EHBP1: variants seen among roughly 807,000 people sequenced by gnomAD.
The protein encoded by EHBP1 is EH domain binding protein 1, also known as EH domain-binding protein 1.
In EHBP1, 55 loss-of-function variants were observed where a neutral mutation model predicts 144.0. That is an observed-to-expected ratio of 0.38 (90% confidence interval 0.31 to 0.48). The LOEUF (loss-of-function observed/expected upper bound fraction) is 0.48, where lower values mean the gene tolerates loss of function less well. Among genes scored for constraint, EHBP1 ranks in the 20% least tolerant of loss-of-function variants. EHBP1 has a pLI of 0.98. For missense variants in EHBP1, 1,200 were observed against 1,364.2 expected, an observed-to-expected ratio of 0.88 and a Z score of 1.90; for synonymous variants, 469 against 472.7, an observed-to-expected ratio of 0.99 and a Z score of 0.10.
intron 10 of EHBP1, among the ~76,000 whole-genome samples, chr2:62,884,458 G>C (rs1264191734): frequency 6.6e-6 from 1 of 152,158 alleles, no homozygotes; most frequent in African/African-American, 2.4e-5. Context: ...TTTATCAGGT[G>C]GCTTAGTGTT....
chr2:62,798,926 C>A (rs945180702), intron 5 of EHBP1, among the ~76,000 whole-genome samples: 2 of 148,130 alleles, frequency 1.4e-5, no homozygotes, highest in African/African-American at 5.0e-5. Flanking sequence ...ATGGCGTGAA[C>A]CTGGGAGGCG....
intron 2 of EHBP1, among the ~76,000 whole-genome samples, chr2:62,720,101 A>G (rs2036078848): frequency 6.6e-6 from 1 of 152,182 alleles, no homozygotes; most frequent in Non-Finnish European, 1.5e-5. Context: ...CAAGTGTCTA[A>G]AACAGGTGCT....
Position 62,993,930 on chromosome 2 carries a change from G to A in EHBP1, c.2932G>A (p.Ala978Thr), listed in dbSNP as rs1482567501. 1.9e-6 allele frequency: 3 copies of A among 1,591,912 alleles called. No individual in the cohort carries two copies. In the East Asian group the frequency reaches 6.8e-5, roughly 36 times the overall value. Residue 978 changes from alanine to threonine, a missense_variant, in exon 18 of 23, where the codon GCG (alanine) becomes ACG (threonine). Physicochemically the swap from Ala to Thr is moderately conservative, Grantham distance 58. This residue lies in a region of EHBP1 where 543 missense variants were observed against 513.1 expected (regional missense o/e 1.06). Coordinates refer to ENST00000431489, the MANE Select transcript of EHBP1 (RefSeq NM_001142616.3). ...DTKKGNEEKAAITETQRKPSE... is the reference protein window; with the variant it reads ...DTKKGNEEKATITETQRKPSE... ...AAAGAAAGGAAATGAGGAGAAGGCA[G>A]CGATAACTGAAACTCAGAGGAAGCC...
intron 6 of EHBP1, among the ~76,000 whole-genome samples, chr2:62,827,429 T>A (rs2046418900): frequency 6.6e-6 from 1 of 152,160 alleles, no homozygotes; most frequent in Admixed American, 6.5e-5. Context: ...GAAGATCCTT[T>A]GAGGGTGGAC....
intron 10 of EHBP1, among the ~76,000 whole-genome samples, chr2:62,935,342 A>T (rs866271629): frequency 0.019 from 2,372 of 126,708 alleles, 18 homozygotes; most frequent in Non-Finnish European, 0.024. Flanking sequence ...AAAAAAAAAA[A>T]AAATATATAT....
At chr2:62,930,873 A>G (rs1055681972) in intron 10 of EHBP1, among the ~76,000 whole-genome samples, 2 of 152,158 alleles carry the variant, frequency 1.3e-5, no homozygotes, top group African/African-American at 2.4e-5. Flanking sequence ...ACAAAAAGCA[A>G]CCCAAAATGG....
chr2:62,901,793 C>G (rs1222230846), intron 10 of EHBP1, among the ~76,000 whole-genome samples: 1 of 151,876 alleles, frequency 6.6e-6, no homozygotes, highest in Non-Finnish European at 1.5e-5. Context: ...TGGCAAAACC[C>G]TATCTCTACA....
At chr2:62,802,694 T>C (rs1024321246) in intron 5 of EHBP1, among the ~76,000 whole-genome samples, 1 of 151,914 alleles carries the variant, frequency 6.6e-6, no homozygotes, top group Non-Finnish European at 1.5e-5. Context: ...GTTAGGTTTC[T>C]GTTTTGTTCT....
At chr2:62,688,655 T>G (rs923819011) in intron 1 of EHBP1, among the ~76,000 whole-genome samples, 1 of 152,202 alleles carries the variant, frequency 6.6e-6, no homozygotes, top group Admixed American at 6.5e-5. Context: ...CTCTAGTATC[T>G]TCTGTTCTAC....
Position 62,955,532 on chromosome 2 carries a change from A to G in EHBP1, c.2332A>G (p.Arg778Gly). The G allele has an allele frequency of 6.2e-7, 1 of 1,610,732 alleles. No homozygotes were observed. The highest frequency in any genetic ancestry group is 1.1e-5 in the South Asian group (1 of 90,426). ...TGCTTTTAAGCATCGATTGTTATCT[A>G]GACAAGAAGAACTTAAGGAAAGAGC... ...SKIVQHRLLS[R>G]QEELKERARV... Residue 778 changes from arginine to glycine, a missense_variant, in exon 14 of 23, where the codon AGA becomes GGA. Arg to Gly is a moderately radical substitution (Grantham distance 125). This residue lies in a region of EHBP1 where 543 missense variants were observed against 513.1 expected (regional missense o/e 1.06). Transcript: ENST00000431489.
intron 10 of EHBP1, among the ~76,000 whole-genome samples, chr2:62,930,137 A>G (rs1024275272): frequency 4.6e-5 from 7 of 152,128 alleles, no homozygotes; most frequent in African/African-American, 1.2e-4. Flanking sequence ...TAGTCCCACT[A>G]CTTGAGAGGC....
intron 1 of EHBP1, among the ~76,000 whole-genome samples, chr2:62,694,632 C>G (rs1170956157): frequency 6.6e-6 from 1 of 152,008 alleles, no homozygotes; most frequent in Non-Finnish European, 1.5e-5. Flanking sequence ...AAAAAAATGA[C>G]CAAATTAGAG....
intron 2 of EHBP1, among the ~76,000 whole-genome samples, chr2:62,742,946 C>T (rs1487714125): frequency 6.6e-6 from 1 of 151,978 alleles, no homozygotes; most frequent in Non-Finnish European, 1.5e-5. Context: ...AGCTCACTCC[C>T]CACATTTAAA....
intron 7 of EHBP1, among the ~76,000 whole-genome samples, chr2:62,840,451 A>C (rs1182479259): frequency 2.7e-4 from 40 of 145,622 alleles, no homozygotes; most frequent in African/African-American, 9.5e-4. Context: ...TGTCCAAAAC[A>C]CCAAAAGCAA....
chr2:62,941,618 G>C (rs1220816257), intron 10 of EHBP1, among the ~76,000 whole-genome samples: 1 of 152,080 alleles, frequency 6.6e-6, no homozygotes, highest in African/African-American at 2.4e-5. Flanking sequence ...GTACTAACAT[G>C]CTTTTGTCAA....
chr2:62,690,351 C>T (rs2033863926), intron 1 of EHBP1, among the ~76,000 whole-genome samples: 1 of 152,104 alleles, frequency 6.6e-6, no homozygotes, highest in African/African-American at 2.4e-5. Flanking sequence ...ATCATGAGGT[C>T]AGGAGTTCAA....
At chr2:62,757,017 T>G (rs915595212) in intron 3 of EHBP1, among the ~76,000 whole-genome samples, 14 of 152,202 alleles carry the variant, frequency 9.2e-5, no homozygotes, top group African/African-American at 2.9e-4. Context: ...AACCACTTTT[T>G]ATTGTGAAAG....
intron 10 of EHBP1, 96 bp downstream of exon 10, chr2:62,874,628 T>C: frequency 9.1e-7 from 1 of 1,097,804 alleles, no homozygotes; most frequent in Non-Finnish European, 1.3e-6. Context: ...TTGGCTATTT[T>C]TGATGATTTA....
intron 21 of EHBP1, among the ~76,000 whole-genome samples, chr2:63,041,447 T>G (rs1437783356): frequency 6.6e-6 from 1 of 152,238 alleles, no homozygotes; most frequent in Non-Finnish European, 1.5e-5. Flanking sequence ...GGATCTTCTC[T>G]AGGATTTTGT....
Sources: gnomAD v4.1 joint callset for allele counts (sites outside exome capture counted in the v4.1 genomes callset) on GRCh38, gnomAD v4.1.1 for gene constraint, gnomAD v4.1.1 regional missense constraint, MANE v1.5 for transcripts, NCBI Gene and HGNC (gene_info 2026-07-23, HGNC 2026-07-21) for gene names.